The following GYS1 variants were observed in gnomAD, a reference collection of about 807,000 sequenced individuals.
The protein encoded by GYS1 is glycogen [starch] synthase, muscle.
GYS1 carries 60 observed loss-of-function variants against 89.1 expected under a neutral mutation model. The ratio of observed to expected loss-of-function variants is 0.67; its 90% confidence interval spans 0.55 to 0.84. GYS1 has a LOEUF of 0.84. GYS1 is among the 40% of genes least tolerant of loss of function. The probability of loss-of-function intolerance (pLI) is 0.00; values close to 1 mark genes in which losing one functional copy is unlikely to be tolerated. For missense variants in GYS1, 888 were observed against 1,003.1 expected (o/e 0.89, Z 1.55); for synonymous variants, 366 against 401.7 (o/e 0.91, Z 1.06).
At chr19:48,982,006 G>A (rs1207438548) in intron 7 of GYS1, among the ~76,000 whole-genome samples, 5 of 151,882 alleles carry the variant, frequency 3.3e-5, no homozygotes, top group Admixed American at 2.0e-4. Flanking sequence ...GATCCTCCCC[G>A]TTCACCCTCC....
intron 2 of GYS1, among the ~76,000 whole-genome samples, chr19:48,990,076 G>T (rs1298545305): frequency 6.7e-6 from 1 of 148,286 alleles, no homozygotes; most frequent in Non-Finnish European, 1.5e-5. Context: ...GGCTGTTCTG[G>T]GTTCCCTTAG....
Position 48,969,625 on chromosome 19 carries a change from T to C in GYS1, c.1891-14A>G. The C allele has an allele frequency of 1.3e-6, 2 of 1,550,980 alleles. No homozygotes were observed. The highest frequency in any genetic ancestry group is 1.7e-6 in the Non-Finnish European group (2 of 1,153,842). On this transcript the variant is annotated splice_polypyrimidine_tract_variant and intron_variant, in intron 15 of 15. Coordinates refer to ENST00000323798, the MANE Select transcript of GYS1 (RefSeq NM_002103.5). ...GTACCCCTGGGCCTGCATACGGCGATGTGGGTGCAAACCAGGGTGAGCTGA... is the reference window on the plus strand; with the variant it reads ...GTACCCCTGGGCCTGCATACGGCGACGTGGGTGCAAACCAGGGTGAGCTGA...
chr19:48,970,814 C>A (rs575792567), intron 13 of GYS1, 105 bp from the exon 14 acceptor site: 15 of 1,395,556 alleles, frequency 1.1e-5, no homozygotes, highest in Non-Finnish European at 1.1e-5. Context: ...GCCCGAGAGC[C>A]CCCCCATTTC....
In GYS1 at chr19:48,991,183, G is replaced by A. The variant is rs2038919468; in HGVS notation, c.300+119C>T. On this transcript the variant is annotated intron_variant, in intron 2 of 15. Coordinates refer to ENST00000323798, the MANE Select transcript of GYS1 (RefSeq NM_002103.5). The surrounding 1 kb of genome is among the most constrained non-coding windows in gnomAD (Gnocchi z 4.7). Reference sequence around the variant, plus strand: ...GTGTCCTATCACGCCTCCTTCCTGTGTCCAAGCCTGCCTCGCTCTCTGGCT... The same window carrying A: ...GTGTCCTATCACGCCTCCTTCCTGTATCCAAGCCTGCCTCGCTCTCTGGCT... 6.2e-6 allele frequency: 7 copies of A among 1,122,090 alleles called. No homozygotes were observed. The highest frequency in any genetic ancestry group is 9.3e-6 in the Non-Finnish European group (7 of 749,722). The allele number at this position is 1,122,090 out of a possible 1,614,324, so 69.5% of individuals were successfully genotyped here.
chr19:48,979,336 C>CTTTTCTTTTTTTTTT (rs2038712106), intron 8 of GYS1, among the ~76,000 whole-genome samples: 1 of 92,746 alleles, frequency 1.1e-5, no homozygotes, highest in African/African-American at 3.8e-5. Context: ...TTTTTCTTTT[C>CTTTTCTTTTTTTTTT]TTTTTTTTTT....
In GYS1 at chr19:48,987,245, C is replaced by T. The variant is rs115793204; in HGVS notation, c.441G>A (p.Glu147=). ...CNIGVPWYDR[E]ANDAVLFGFL... ...AGCCAAAGAGGACAGCGTCGTTGGC[C>T]TCGCGGTCGTACCACGGCACTCCGA... The change falls in exon 3 of 16, where the codon GAG becomes GAA. Residue 147 remains glutamate (E), a synonymous_variant. Coordinates refer to ENST00000323798, the MANE Select transcript of GYS1 (RefSeq NM_002103.5). The T allele has an allele frequency of 2.2e-5, 36 of 1,613,628 alleles. No individual in the cohort carries two copies. The African/African-American group carries it at 4.0e-4, about 18-fold the overall frequency.
rs557762558 is a variant in GYS1, at chr19:48,987,992, C to T, written c.301-607G>A. Among the ~76,000 whole-genome samples, 18 of 152,252 alleles carry T rather than the reference C, an allele frequency of 1.2e-4. No homozygotes were observed. The East Asian group carries it at 2.1e-3, about 18-fold the overall frequency. Reference sequence around the variant, plus strand: ...CTTTTTTTTGTATTTTCAGTAGAGACGAGGTTTCACTGTGTTAGCCAGGAT... The same window carrying T: ...CTTTTTTTTGTATTTTCAGTAGAGATGAGGTTTCACTGTGTTAGCCAGGAT... On this transcript the variant is annotated intron_variant, in intron 2 of 15. Transcript: ENST00000323798.
Position 48,974,627 on chromosome 19 carries a change from C to T in GYS1, c.1415G>A (p.Arg472Lys), listed in dbSNP as rs1170196167. ...RIGLFNSSAD[R>K]VKVIFHPEFL... ...CTGACCAAATGCCCTCACCTTCACC[C>T]TGTCGGCACTGCTATTGAAGAGGCC... The change falls in exon 11 of 16, where the codon AGG becomes AAG. Residue 472 changes from arginine (R) to lysine (K), a missense_variant. By Grantham distance (26) the Arg-to-Lys change is conservative. Coordinates refer to ENST00000323798, the MANE Select transcript of GYS1 (RefSeq NM_002103.5). The T allele has an allele frequency of 6.2e-7, 1 of 1,611,652 alleles. No homozygotes were observed. Among genetic ancestry groups the T allele is most frequent in the Non-Finnish European group, 8.5e-7 (1 of 1,177,778 alleles).
chr19:48,983,758 G>C (rs1389312736), intron 5 of GYS1, among the ~76,000 whole-genome samples: 2 of 152,120 alleles, frequency 1.3e-5, no homozygotes, highest in Admixed American at 1.3e-4. Flanking sequence ...CAAAAGCAAA[G>C]TCCACTGATC....
intron 5 of GYS1, among the ~76,000 whole-genome samples, chr19:48,983,956 T>A (rs1184876988): frequency 6.6e-6 from 1 of 152,170 alleles, no homozygotes; most frequent in Non-Finnish European, 1.5e-5. Context: ...GGTAAAAAAA[T>A]GGTAACTGAT....
In GYS1 at chr19:48,970,691, C is replaced by A. The variant is rs753013962; in HGVS notation, c.1664G>T (p.Arg555Leu). 23 of 1,613,722 alleles carry A rather than the reference C, an allele frequency of 1.4e-5. No individual in the cohort carries two copies. The highest frequency in any genetic ancestry group is 1.9e-5 in the Non-Finnish European group (22 of 1,179,980). The change falls in exon 14 of 16, where the codon CGG (arginine) becomes CTG (leucine). Residue 555 changes from arginine to leucine, a missense_variant. Transcript: ENST00000323798. Reference sequence around the variant, plus strand: ...GGAATCATCCAGGCTGCGGAACCGCCGGTCAAGAATGTAGATACCTGTGGA... The same window carrying A: ...GGAATCATCCAGGCTGCGGAACCGCAGGTCAAGAATGTAGATACCTGTGGA... ...PSAYGIYILD[R>L]RFRSLDDSCS...
At chr19:48,984,945 T>C (rs924173304) in intron 5 of GYS1, among the ~76,000 whole-genome samples, 4 of 151,958 alleles carry the variant, frequency 2.6e-5, no homozygotes, top group African/African-American at 2.4e-5. Context: ...TGCCCAGTCG[T>C]AGGCTAACAT....
At chr19:48,977,414 G>T (rs1312447769) in intron 10 of GYS1, among the ~76,000 whole-genome samples, 1 of 152,006 alleles carries the variant, frequency 6.6e-6, no homozygotes, top group Non-Finnish European at 1.5e-5. Context: ...CCAACATGGT[G>T]AAATCTCGTT....
intron 15 of GYS1, 35 bp from the exon 16 acceptor site, chr19:48,969,646 G>A (rs780839107): frequency 6.4e-7 from 1 of 1,564,896 alleles, no homozygotes; most frequent in Non-Finnish European, 8.6e-7. Context: ...ACCAGGGTGA[G>A]CTGAGGACCT....
intron 4 of GYS1, 97 bp downstream of exon 4, chr19:48,985,753 C>A: frequency 6.5e-7 from 1 of 1,529,668 alleles, no homozygotes; most frequent in Admixed American, 1.7e-5. Context: ...ACTCCTGGAT[C>A]CTGGGAGAAG....
rs1258708002 is a variant in GYS1, at chr19:48,990,001, G to GA, written c.300+1300_300+1301insT. On this transcript the variant is annotated intron_variant, in intron 2 of 15. Coordinates refer to ENST00000323798, the MANE Select transcript of GYS1 (RefSeq NM_002103.5). The stretch of plus-strand genomic sequence containing the variant: ...CAGCTGTTGTCTGCCCTTTTGCTGG[G>GA]GGGGGGGGGGGGCTATTCTTAGGCC... 3.2e-5 allele frequency among the ~76,000 whole-genome samples: 4 copies of GA among 125,622 alleles called. 1 individual carries two copies. The highest frequency in any genetic ancestry group is 8.5e-5 in the Admixed American group (1 of 11,778). 82.4% of individuals were successfully genotyped at this position (125,622 alleles called of 152,430 possible).
intron 14 of GYS1, 127 bp from the exon 15 acceptor site, chr19:48,969,982 A>G (rs774262590): frequency 4.4e-5 from 30 of 686,756 alleles, no homozygotes; most frequent in Non-Finnish European, 7.2e-5. Context: ...CAAATAATCC[A>G]TCTATCTGAC....
In GYS1 at chr19:48,975,253, T is replaced by TA. The variant is rs2038628176; in HGVS notation, c.1309-521dup. Among the ~76,000 whole-genome samples the TA allele has an allele frequency of 5.3e-5, 8 of 150,196 alleles. No homozygotes were observed. In the South Asian group the frequency reaches 1.7e-3, roughly 32 times the overall value. ...GCCTAATTTTTTTTTTTTTTTTTTT[T>TA]AATAGAGATGGGGTTTCACTATGTT... On this transcript the variant is annotated intron_variant, in intron 10 of 15. Coordinates refer to ENST00000323798, the MANE Select transcript of GYS1 (RefSeq NM_002103.5).
chr19:48,971,061 T>C (rs1473116790), intron 12 of GYS1, 38 bp from the exon 13 acceptor site: 4 of 1,376,382 alleles, frequency 2.9e-6, no homozygotes, highest in Non-Finnish European at 4.2e-6. Context: ...TTAGCTTCCC[T>C]CATCGCCTAC....
Sources: gnomAD v4.1 joint callset for allele counts (sites outside exome capture counted in the v4.1 genomes callset) on GRCh38, gnomAD v4.1.1 for gene constraint, Gnocchi (gnomAD v3.1) non-coding constraint, MANE v1.5 for transcripts, NCBI Gene and HGNC (gene_info 2026-07-23, HGNC 2026-07-21) for gene names.